Variants in SLC4A1AP observed in about 807,000 individuals in gnomAD.
SLC4A1AP encodes the protein solute carrier family 4 member 1 adaptor protein, also known as kanadaptin.
In SLC4A1AP, 64 loss-of-function variants were observed where a neutral mutation model predicts 89.7. The observed-to-expected ratio is 0.71, with a 90% confidence interval of 0.58 to 0.88. The LOEUF is 0.88. SLC4A1AP is among the 40% of genes least tolerant of loss of function. The pLI is 0.00. For synonymous variants in SLC4A1AP, 366 were observed against 353.3 expected (o/e 1.04, Z -0.40); for missense variants, 931 against 965.0 (o/e 0.96, Z 0.47).
intron 5 of SLC4A1AP, among the ~76,000 whole-genome samples, chr2:27,672,446 G>C (rs940268320): frequency 1.4e-4 from 21 of 151,988 alleles, no homozygotes; most frequent in Admixed American, 5.9e-4. Context: ...TCATGCCAGA[G>C]AAGGCTCAGA....
chr2:27,682,196 A>G, intron 8 of SLC4A1AP, 52 bp from the exon 9 acceptor site: 2 of 1,219,700 alleles, frequency 1.6e-6, no homozygotes, highest in Non-Finnish European at 1.2e-6. Flanking sequence ...ATTTTTAGAT[A>G]AAACCTTGGG....
At chr2:27,680,065 G>C (rs1572993780) in intron 8 of SLC4A1AP, among the ~76,000 whole-genome samples, 1 of 152,272 alleles carries the variant, frequency 6.6e-6, no homozygotes, top group East Asian at 1.9e-4. Flanking sequence ...TGACTGGGGG[G>C]TGGGAGGGGC....
chr2:27,683,470 G>A (rs941932705), intron 9 of SLC4A1AP, among the ~76,000 whole-genome samples: 2 of 152,048 alleles, frequency 1.3e-5, no homozygotes, highest in Non-Finnish European at 1.5e-5. Flanking sequence ...CCTCTTGCTG[G>A]CTCTTCAGAT....
exon 1 of SLC4A1AP, chr2:27,663,924 A>G (rs1417325113): frequency 1.6e-5 from 26 of 1,614,070 alleles, no homozygotes; most frequent in Non-Finnish European, 2.0e-5. Flanking sequence ...GATGGCTGAC[A>G]TTCTCTCTCA....
At chr2:27,670,922 CTTTTTTT>C (rs34481114) in intron 5 of SLC4A1AP, among the ~76,000 whole-genome samples, 5 of 111,850 alleles carry the variant, frequency 4.5e-5, no homozygotes, top group Admixed American at 1.9e-4. Flanking sequence ...CTTTTCTTTT[CTTTTTTT>C]TTTTTTTTTT....
intron 6 of SLC4A1AP, 108 bp downstream of exon 6, chr2:27,675,800 A>ATTTC: frequency 4.4e-6 from 3 of 681,534 alleles, no homozygotes; most frequent in Non-Finnish European, 6.4e-6. Flanking sequence ...AGTAGCATTG[A>ATTTC]AATCTGATAC....
At chr2:27,679,591 G>A (rs1271286266) in intron 8 of SLC4A1AP, among the ~76,000 whole-genome samples, 2 of 151,968 alleles carry the variant, frequency 1.3e-5, no homozygotes, top group Non-Finnish European at 2.9e-5. Flanking sequence ...GACAGAGCGA[G>A]ACTCCATCTC....
chr2:27,664,622 G>C, intron 1 of SLC4A1AP, 45 bp downstream of exon 1: 1 of 1,389,814 alleles, frequency 7.2e-7, no homozygotes, highest in South Asian at 1.3e-5. Context: ...TCATTGGACT[G>C]CGTTCTTGTG....
exon 1 of SLC4A1AP, chr2:27,663,907 G>T (rs199727637): frequency 1.1e-5 from 18 of 1,614,156 alleles, no homozygotes; most frequent in Non-Finnish European, 1.5e-5. Flanking sequence ...AAGTTGCACC[G>T]GTTGAGGATG....
chr2:27,688,967 A>G (rs1675748642), intron 12 of SLC4A1AP, among the ~76,000 whole-genome samples, 200 bp downstream of exon 12: 1 of 152,098 alleles, frequency 6.6e-6, no homozygotes. Context: ...CTCACATACA[A>G]GCTATCTCTT....
intron 6 of SLC4A1AP, among the ~76,000 whole-genome samples, chr2:27,676,047 A>G (rs1317861765): frequency 6.6e-6 from 1 of 152,214 alleles, no homozygotes; most frequent in Non-Finnish European, 1.5e-5. Context: ...AAGTCAAAGG[A>G]ATTTTGAAGA....
At chr2:27,690,208 T>C (rs977555035) in intron 12 of SLC4A1AP, among the ~76,000 whole-genome samples, 3 of 152,214 alleles carry the variant, frequency 2.0e-5, no homozygotes, top group Non-Finnish European at 4.4e-5. Context: ...GTTACATAGA[T>C]GAATCATATA....
exon 6 of SLC4A1AP, chr2:27,675,649 A>G: frequency 3.7e-6 from 6 of 1,602,292 alleles, no homozygotes; most frequent in Non-Finnish European, 5.1e-6. Flanking sequence ...AGAATGAAGA[A>G]GGCTGGCAAG....
chr2:27,677,218 G>T, intron 6 of SLC4A1AP, 77 bp from the exon 7 acceptor site: 2 of 930,902 alleles, frequency 2.1e-6, no homozygotes, highest in East Asian at 4.8e-5. Flanking sequence ...CTTCTAGTAA[G>T]AATAATTAAA....
chr2:27,683,694 T>A (rs1284441919), intron 9 of SLC4A1AP, among the ~76,000 whole-genome samples: 2 of 152,144 alleles, frequency 1.3e-5, no homozygotes, highest in African/African-American at 4.8e-5. Flanking sequence ...AATTAGGGTA[T>A]ACTGCCCTCT....
Position 27,665,677 on chromosome 2 carries a change from G to C in SLC4A1AP, c.1021+382G>C, listed in dbSNP as rs182607354. Among the ~76,000 whole-genome samples the C allele has an allele frequency of 3.9e-5, 6 of 152,232 alleles. No individual in the cohort carries two copies. In the East Asian group the frequency reaches 1.2e-3, roughly 29 times the overall value. ...ATAAATGGGATGTTATTCAATATAG[G>C]ATATTCTCTTGAATTTTTTGTACTT... is the stretch of plus-strand genomic sequence containing the variant. On this transcript the variant is annotated intron_variant, in intron 2 of 13. Coordinates refer to ENST00000613058, the Ensembl canonical transcript of SLC4A1AP.
intron 2 of SLC4A1AP, 91 bp from the exon 3 acceptor site, chr2:27,667,177 A>G: frequency 1.4e-6 from 2 of 1,397,142 alleles, no homozygotes; most frequent in Middle Eastern, 2.3e-4. Context: ...CCTAAACTAT[A>G]TCTTTATGCA....
intron 2 of SLC4A1AP, among the ~76,000 whole-genome samples, chr2:27,665,847 A>G (rs889431836): frequency 2.0e-5 from 3 of 152,342 alleles, no homozygotes; most frequent in African/African-American, 7.2e-5. Context: ...TGGCATTAAT[A>G]TATAGTTGGG....
intron 2 of SLC4A1AP, among the ~76,000 whole-genome samples, chr2:27,666,364 C>A (rs1558504879): frequency 8.3e-5 from 3 of 36,048 alleles, no homozygotes; most frequent in East Asian, 1.8e-3. Flanking sequence ...CCCCCACCCC[C>A]CCCCCCCACC....
Sources: allele counts gnomAD v4.1 joint callset (sites outside exome capture counted in the v4.1 genomes callset), GRCh38; gene constraint gnomAD v4.1.1; transcripts MANE v1.5; gene names NCBI Gene and HGNC (gene_info 2026-07-23, HGNC 2026-07-21).